JAKMIP3: variants seen among roughly 807,000 people sequenced by gnomAD.
JAKMIP3 encodes Janus kinase and microtubule interacting protein 3.
Under a neutral mutation model 118.5 loss-of-function variants are expected in JAKMIP3, and 58 were observed. The ratio of observed to expected loss-of-function variants is 0.49; its 90% CI spans 0.40 to 0.61. The LOEUF (loss-of-function observed/expected upper bound fraction) is 0.61, where lower values mean the gene tolerates loss of function less well. Among genes scored for constraint, JAKMIP3 ranks in the 20% least tolerant of loss-of-function variants. The pLI is 0.00. For missense variants in JAKMIP3, 950 were observed against 1,109.0 expected (o/e 0.86, Z 2.04); for synonymous variants, 486 against 451.2 (o/e 1.08, Z -0.98).
chr10:132,140,359 G>A, intron 9 of JAKMIP3, 92 bp from the exon 10 acceptor site: 1 of 1,545,920 alleles, frequency 6.5e-7, no homozygotes, highest in Non-Finnish European at 8.9e-7. Flanking sequence ...TGGGGCTGCG[G>A]CCCCCACCGT....
At chr10:132,060,695 TATC>T (rs1361651165), upstream of JAKMIP3, among the ~76,000 whole-genome samples, 5 of 152,112 alleles carry the variant, frequency 3.3e-5, no homozygotes, top group Admixed American at 2.6e-4. Context: ...GAAACAAAAA[TATC>T]ATTCACAAAT....
In JAKMIP3 at chr10:132,136,614, G is replaced by A. The variant is rs1365751708; in HGVS notation, c.1117-405G>A. 3.3e-5 allele frequency among the ~76,000 whole-genome samples: 5 copies of A among 152,216 alleles called. No homozygotes were observed. In the East Asian group the frequency reaches 7.7e-4, roughly 23 times the overall value. ...ATTCAGCCGGATGTGGGGGAGAGGC[G>A]CTCTCCTTACCCCTCTCTATGGAAG... On this transcript the variant is annotated intron_variant, in intron 6 of 23. Coordinates refer to ENST00000684848, the MANE Select transcript of JAKMIP3 (RefSeq NM_001323087.2).
intron 22 of JAKMIP3, 141 bp from the exon 23 acceptor site, chr10:132,167,808 CCCCT>C: frequency 2.3e-6 from 1 of 432,262 alleles, no homozygotes; most frequent in Non-Finnish European, 4.1e-6. Flanking sequence ...TCGGTCCTCA[CCCCT>C]CACCCCTCGG....
intron 3 of JAKMIP3, among the ~76,000 whole-genome samples, chr10:132,121,943 A>G (rs537533171): frequency 6.6e-6 from 1 of 152,266 alleles, no homozygotes; most frequent in Non-Finnish European, 1.5e-5. Flanking sequence ...ACTCAGAACC[A>G]TCATCTTCTC....
intron 1 of JAKMIP3, among the ~76,000 whole-genome samples, chr10:132,067,636 G>A (rs1478865785): frequency 6.7e-6 from 1 of 148,406 alleles, no homozygotes; most frequent in Non-Finnish European, 1.5e-5. Flanking sequence ...GTGGGCTTCC[G>A]TGTGGACTCT....
intron 13 of JAKMIP3, among the ~76,000 whole-genome samples, chr10:132,147,750 C>A (rs572830200): frequency 7.9e-5 from 12 of 152,364 alleles, no homozygotes; most frequent in Non-Finnish European, 1.3e-4. Context: ...CTGCCCAGCC[C>A]CACCCACCAC....
chr10:132,037,824 C>CGCA (rs1235996902), intron 1 of JAKMIP3, among the ~76,000 whole-genome samples: 1 of 152,200 alleles, frequency 6.6e-6, no homozygotes, highest in Non-Finnish European at 1.5e-5. Flanking sequence ...TTGCCTGGGC[C>CGCA]GCAGCGCAGG....
chr10:132,115,310 T>G (rs1420425095), intron 2 of JAKMIP3, among the ~76,000 whole-genome samples: 4 of 151,930 alleles, frequency 2.6e-5, no homozygotes, highest in African/African-American at 9.7e-5. Context: ...CTGATCATGG[T>G]TGGGGTCATG....
chr10:132,167,043 G>A lies in JAKMIP3; in HGVS notation c.*10G>A, dbSNP rs769881276. The stretch of plus-strand genomic sequence containing the variant: ...CATTCTCTGGTCATAGTCCGTCTTG[G>A]CACCCTGACGTGGTGAGTATTTCGT... On this transcript the variant is annotated 3_prime_UTR_variant, in exon 22 of 24. Transcript: ENST00000684848. 1 of 1,548,598 alleles carries A rather than the reference G, an allele frequency of 6.5e-7. No homozygotes were observed. Among genetic ancestry groups the A allele is most frequent in the South Asian group, 1.2e-5 (1 of 83,976 alleles).
intron 3 of JAKMIP3, among the ~76,000 whole-genome samples, chr10:132,127,479 T>G (rs11146199): frequency 0.042 from 6,452 of 152,070 alleles, 269 homozygotes; most frequent in East Asian, 0.1. Context: ...GGTCTCGAAC[T>G]CCTGACCTCA....
intron 23 of JAKMIP3, among the ~76,000 whole-genome samples, chr10:132,174,049 T>C (rs2059912178): frequency 6.6e-6 from 1 of 151,780 alleles, no homozygotes; most frequent in South Asian, 2.1e-4. Context: ...GTGGTGTGCC[T>C]GTGGTGGTCT....
chr10:132,139,275 T>C (rs2052753533), intron 9 of JAKMIP3, among the ~76,000 whole-genome samples: 1 of 150,274 alleles, frequency 6.7e-6, no homozygotes, highest in Non-Finnish European at 1.5e-5. Flanking sequence ...TGTGTGTACA[T>C]GTGAGTGTAT....
chr10:132,059,561 C>T (rs560004412), intron 1 of JAKMIP3, among the ~76,000 whole-genome samples: 22 of 152,342 alleles, frequency 1.4e-4, no homozygotes, highest in African/African-American at 4.8e-4. Context: ...TCTTGGGCCT[C>T]CACCGTCTTG....
At chr10:132,153,686 C>A in intron 17 of JAKMIP3, 73 bp from the exon 18 acceptor site, 1 of 1,444,722 alleles carries the variant, frequency 6.9e-7, no homozygotes, top group Non-Finnish European at 9.7e-7. Flanking sequence ...CCTGGCTTTT[C>A]TCCCAGCTGT....
At chr10:132,114,613 G>T (rs1191995013) in intron 2 of JAKMIP3, among the ~76,000 whole-genome samples, 1 of 152,126 alleles carries the variant, frequency 6.6e-6, no homozygotes, top group Non-Finnish European at 1.5e-5. Flanking sequence ...CTACATTTTA[G>T]AATCCATTTG....
At chr10:132,157,085 G>A (rs189597186) in intron 19 of JAKMIP3, among the ~76,000 whole-genome samples, 59 of 152,200 alleles carry the variant, frequency 3.9e-4, no homozygotes, top group African/African-American at 1.3e-3. Flanking sequence ...CTTGTTCTCC[G>A]AGAGATGGTC....
chr10:132,044,920 G>A lies in JAKMIP3; in HGVS notation c.-138+8182G>A, dbSNP rs1323984945. Among the ~76,000 whole-genome samples, 4 of 151,918 alleles carry A rather than the reference G, an allele frequency of 2.6e-5. No individual in the cohort carries two copies. The highest frequency in any genetic ancestry group is 1.9e-4 in the East Asian group (1 of 5,178). ...GCGTGCTTCACCGTGTTGCATGCGCGTCAGGATTTCCTTCCTTGAAGGCTG... is the reference window on the plus strand; with the variant it reads ...GCGTGCTTCACCGTGTTGCATGCGCATCAGGATTTCCTTCCTTGAAGGCTG... On this transcript the variant is annotated intron_variant, in intron 1 of 23. Coordinates refer to the JAKMIP3 transcript ENST00000657785. This position sits in a 1 kb window ranked among gnomAD's most constrained non-coding sequence, Gnocchi z 5.3.
intron 3 of JAKMIP3, among the ~76,000 whole-genome samples, chr10:132,119,950 G>A (rs371788791): frequency 3.3e-5 from 5 of 152,228 alleles, no homozygotes; most frequent in Admixed American, 6.5e-5. Context: ...TTGCATTCCC[G>A]TGAGCAGGAA....
Position 132,179,317 on chromosome 10 carries a change from C to G in JAKMIP3, c.*1104-3040C>G, listed in dbSNP as rs1417911150. 1.3e-5 allele frequency among the ~76,000 whole-genome samples: 2 copies of G among 152,114 alleles called. No individual in the cohort carries two copies. Among genetic ancestry groups the G allele is most frequent in the Non-Finnish European group, 1.5e-5 (1 of 68,016 alleles). On this transcript the variant is annotated intron_variant, in intron 23 of 23. Coordinates refer to ENST00000684848, the MANE Select transcript of JAKMIP3 (RefSeq NM_001323087.2). The surrounding 1 kb of genome is among the most constrained non-coding windows in gnomAD (Gnocchi z 4.3). The stretch of plus-strand genomic sequence containing the variant: ...TTGTTGACGGGACTTTTGGGCTCCC[C>G]GGGCTCTGAGCTGGTTGGGGCTCCA...
Sources: allele counts gnomAD v4.1 joint callset (sites outside exome capture counted in the v4.1 genomes callset), GRCh38; gene constraint gnomAD v4.1.1; non-coding constraint Gnocchi (gnomAD v3.1); transcripts MANE v1.5; gene names NCBI Gene and HGNC (gene_info 2026-07-23, HGNC 2026-07-21).